The following TBL1XR1 variants were observed in gnomAD, a reference collection of about 807,000 sequenced individuals.
TBL1XR1 encodes F-box-like/WD repeat-containing protein TBL1XR1.
TBL1XR1 carries 5 observed loss-of-function variants against 66.9 expected under a neutral mutation model. That is an observed-to-expected ratio of 0.07 (90% confidence interval 0.04 to 0.16). The LOEUF is 0.16. TBL1XR1 is among the 10% of genes least tolerant of loss of function. The pLI is 1.00. For synonymous variants in TBL1XR1, 210 were observed against 206.0 expected (o/e 1.02, Z -0.17); for missense variants, 238 against 623.2 (o/e 0.38, Z 6.58).
At chr3:177,191,898 G>A (rs1046560843) in intron 1 of TBL1XR1, among the ~76,000 whole-genome samples, 1 of 146,862 alleles carries the variant, frequency 6.8e-6, no homozygotes, top group African/African-American at 2.5e-5. Flanking sequence ...TTCGAGACCA[G>A]CCTGACCAAC....
intron 1 of TBL1XR1, among the ~76,000 whole-genome samples, chr3:177,111,592 G>T (rs754687256): frequency 6.6e-6 from 1 of 152,008 alleles, no homozygotes; most frequent in African/African-American, 2.4e-5. Flanking sequence ...CAGCCACTGC[G>T]CCAGGCCCAC....
intron 2 of TBL1XR1, among the ~76,000 whole-genome samples, chr3:177,075,166 G>T (rs1279767135): frequency 6.6e-6 from 1 of 152,220 alleles, no homozygotes; most frequent in Non-Finnish European, 1.5e-5. Flanking sequence ...ACGGAAAAGA[G>T]AGTCGTTCTA....
chr3:177,027,536 T>C (rs1713315598), intron 14 of TBL1XR1: 1 of 152,186 alleles, frequency 6.6e-6, no homozygotes, highest in South Asian at 2.1e-4. Context: ...ATGCTTCAGG[T>C]GTTCGGCCCT....
chr3:177,147,375 T>C (rs1343119285), intron 1 of TBL1XR1, among the ~76,000 whole-genome samples: 2 of 152,162 alleles, frequency 1.3e-5, no homozygotes, highest in African/African-American at 4.8e-5. Flanking sequence ...ACTATAAATA[T>C]GTGGTGATGG....
Position 177,034,206 on chromosome 3 carries a change from C to T in TBL1XR1, c.1242G>A (p.Met414Ile). Residue 414 changes from methionine (M) to isoleucine (I), a missense_variant, in exon 13 of 16, where the codon ATG becomes ATA. Physicochemically the swap from Met to Ile is conservative, Grantham distance 10 (BLOSUM62 1). Around this residue, in one of 8 missense-constraint regions of TBL1XR1, gnomAD observed 89 missense variants for 220.2 expected, o/e 0.40. Coordinates refer to ENST00000457928, the MANE Select transcript of TBL1XR1 (RefSeq NM_024665.7). ...PGTNNPNANL[M>I]LASASFDSTV... ...TGAAACAGAAGTATCACCTTGCTAA[C>T]ATAAGGTTGGCATTTGGATTATTAG... The T allele has an allele frequency of 1.9e-6, 3 of 1,601,226 alleles. No individual in the cohort carries two copies. The highest frequency in any genetic ancestry group is 2.5e-6 in the Non-Finnish European group (3 of 1,176,750).
At chr3:177,136,620 T>C (rs531266861) in intron 1 of TBL1XR1, among the ~76,000 whole-genome samples, 9 of 152,314 alleles carry the variant, frequency 5.9e-5, no homozygotes, top group South Asian at 4.1e-4. Flanking sequence ...GTTTAAAACA[T>C]TGGAGTAGTA....
chr3:177,110,922 T>C (rs1334326885), intron 1 of TBL1XR1: 2 of 152,226 alleles, frequency 1.3e-5, no homozygotes, highest in Non-Finnish European at 2.9e-5. Flanking sequence ...GTGTTGTGTA[T>C]GATTTTCACC....
rs190055967 is a variant in TBL1XR1 at position 177,088,467 on chromosome 3, G to A, written c.-46+9999C>T. On this transcript the variant is annotated intron_variant, in intron 2 of 15. Transcript: ENST00000457928. ...CTCATTATAGATATGCAAATATTCCGAAATCCAAGTAAATATGAAATCTGA... is the reference window on the plus strand; with the variant it reads ...CTCATTATAGATATGCAAATATTCCAAAATCCAAGTAAATATGAAATCTGA... Among the ~76,000 whole-genome samples, 667 of 152,182 alleles carry A rather than the reference G, an allele frequency of 4.4e-3. 7 individuals are homozygous for A. The highest frequency in any genetic ancestry group is 0.02 in the Middle Eastern group (6 of 294).
In TBL1XR1 at chr3:177,073,769, G is replaced by A. The variant is rs116916753; in HGVS notation, c.-45-8747C>T. ...ACCAAACTTTAGTAGAAGGTGTAGC[G>A]GAGTGTGGAAGCTGCAGTAAAGGCG... On this transcript the variant is annotated intron_variant, in intron 2 of 15. Transcript: ENST00000457928. 2.0e-4 allele frequency among the ~76,000 whole-genome samples: 30 copies of A among 152,232 alleles called. No homozygotes were observed. In the East Asian group the frequency reaches 5.2e-3, roughly 26 times the overall value.
intron 1 of TBL1XR1, among the ~76,000 whole-genome samples, chr3:177,165,943 A>G (rs1307232469): frequency 6.6e-6 from 1 of 151,234 alleles, no homozygotes; most frequent in African/African-American, 2.4e-5. Context: ...ACAAAAAATT[A>G]GCTGGACATG....
chr3:177,070,476 A>C (rs2108562150), intron 2 of TBL1XR1, among the ~76,000 whole-genome samples: 1 of 152,372 alleles, frequency 6.6e-6, no homozygotes, highest in African/African-American at 2.4e-5. Flanking sequence ...ACATATTTTC[A>C]ATAACTAAGC....
At chr3:177,176,109 A>C (rs1248092312) in intron 1 of TBL1XR1, among the ~76,000 whole-genome samples, 1 of 152,008 alleles carries the variant, frequency 6.6e-6, no homozygotes, top group Non-Finnish European at 1.5e-5. Flanking sequence ...AATTTGCAGC[A>C]CTGATATCTG....
chr3:177,047,067 T>G (rs1716427956), intron 9 of TBL1XR1, among the ~76,000 whole-genome samples: 1 of 152,182 alleles, frequency 6.6e-6, no homozygotes, highest in Non-Finnish European at 1.5e-5. Context: ...ATGACATTGT[T>G]TATGGTTCAA....
chr3:177,072,607 T>C (rs1720171426), intron 2 of TBL1XR1, among the ~76,000 whole-genome samples: 2 of 152,230 alleles, frequency 1.3e-5, no homozygotes, highest in South Asian at 4.1e-4. Flanking sequence ...ACAGAGTTAC[T>C]TCCGTTGCAT....
chr3:177,034,091 A>G, intron 13 of TBL1XR1, 107 bp downstream of exon 13: 3 of 1,330,994 alleles, frequency 2.3e-6, no homozygotes, highest in Non-Finnish European at 3.1e-6. Flanking sequence ...GGAAAAAAAA[A>G]AAAAAAAGTT....
At chr3:177,131,448 A>G (rs552984972) in intron 1 of TBL1XR1, 1 of 936,818 alleles carries the variant, frequency 1.1e-6, no homozygotes, top group African/African-American at 1.8e-5. Flanking sequence ...TTATTCCCAC[A>G]CCTAAAAGTT....
At chr3:177,139,309 G>A (rs1729355575) in intron 1 of TBL1XR1, among the ~76,000 whole-genome samples, 1 of 152,168 alleles carries the variant, frequency 6.6e-6, no homozygotes, top group Admixed American at 6.5e-5. Flanking sequence ...ATCAGCTGAG[G>A]TCAGAAGTTC....
At chr3:177,130,737 A>C (rs1577255718) in intron 1 of TBL1XR1, among the ~76,000 whole-genome samples, 1 of 152,232 alleles carries the variant, frequency 6.6e-6, no homozygotes, top group South Asian at 2.1e-4. Context: ...AGGGAGGCAA[A>C]AACAGACCTG....
chr3:177,103,539 T>C (rs181966981), intron 1 of TBL1XR1, among the ~76,000 whole-genome samples: 3 of 152,328 alleles, frequency 2.0e-5, no homozygotes, highest in Admixed American at 2.0e-4. Context: ...GGAAGTTTTT[T>C]TAACATGGAA....
Sources: gnomAD v4.1 joint callset for allele counts (sites outside exome capture counted in the v4.1 genomes callset) on GRCh38, gnomAD v4.1.1 for gene constraint, gnomAD v4.1.1 regional missense constraint, MANE v1.5 for transcripts, NCBI Gene and HGNC (gene_info 2026-07-23, HGNC 2026-07-21) for gene names.